Variants in TRMT6 observed in about 807,000 individuals in gnomAD.
The protein encoded by TRMT6 is tRNA methyltransferase 6 non-catalytic subunit.
In TRMT6, 34 loss-of-function variants were observed where a neutral mutation model predicts 59.0. That is an observed-to-expected ratio of 0.58 (90% CI 0.44 to 0.77). The LOEUF is 0.77. Ranked by LOEUF, TRMT6 falls within the 30% of genes least tolerant of loss-of-function variation. The pLI, the probability that TRMT6 is intolerant of heterozygous loss-of-function variation, is 0.00. For missense variants in TRMT6, 575 were observed against 604.5 expected (o/e 0.95, Z 0.51); for synonymous variants, 217 against 210.5 (o/e 1.03, Z -0.27).
At chr20:5,939,177 G>C (rs2088634901) in intron 10 of TRMT6, among the ~76,000 whole-genome samples, 1 of 152,046 alleles carries the variant, frequency 6.6e-6, no homozygotes, top group Admixed American at 6.5e-5. Flanking sequence ...TGGTTTAATT[G>C]ATTTTCTTTT....
At position 5,944,256 on chromosome 20, in the gene TRMT6, A is replaced by T. The variant is rs551708414; in HGVS notation, c.367-3T>A. The T allele has an allele frequency of 3.3e-6, 5 of 1,520,156 alleles. No individual in the cohort carries two copies. The highest frequency in any genetic ancestry group is 4.4e-6 in the Non-Finnish European group (5 of 1,123,684). The allele number at this position is 1,520,156 out of a possible 1,614,324, so 94.2% of individuals were successfully genotyped here. A position where few individuals can be genotyped will look rare whatever the true frequency, so the allele number is the denominator to read the frequency against. Reference sequence around the variant, plus strand: ...TCAATTAACTGCTGAACTATTTCCTATAAGAAAAGGAGCAAGTAGATTTTC... The same window carrying T: ...TCAATTAACTGCTGAACTATTTCCTTTAAGAAAAGGAGCAAGTAGATTTTC... On this transcript the variant is annotated splice_region_variant and splice_polypyrimidine_tract_variant and intron_variant, in intron 3 of 10. Coordinates refer to ENST00000203001, the MANE Select transcript of TRMT6 (RefSeq NM_015939.5).
At position 5,946,338 on chromosome 20, in the gene TRMT6, G is replaced by C. The variant is rs1195513944; in HGVS notation, c.256+68C>G. 69 of 1,597,980 alleles carry C rather than the reference G, an allele frequency of 4.3e-5. 3 individuals are homozygous for C. The South Asian group carries it at 7.4e-4, about 17-fold the overall frequency. The stretch of plus-strand genomic sequence containing the variant: ...AGCATGGCCTAGCACTTGGGAATTA[G>C]GTGGAGGCTGAGATGTTTCTGACTA... On this transcript the variant is annotated intron_variant, in intron 2 of 10. Coordinates refer to ENST00000203001, the MANE Select transcript of TRMT6 (RefSeq NM_015939.5).
At chr20:5,948,209 G>A (rs1035711391) in intron 1 of TRMT6, among the ~76,000 whole-genome samples, 2 of 152,182 alleles carry the variant, frequency 1.3e-5, no homozygotes, top group African/African-American at 4.8e-5. Flanking sequence ...ATATGCAGAG[G>A]GGATGATGCG....
Position 5,946,540 on chromosome 20 carries a change from A to G in TRMT6, c.129-7T>C, listed in dbSNP as rs201889389. On this transcript the variant is annotated splice_region_variant and splice_polypyrimidine_tract_variant and intron_variant, in intron 1 of 10. Coordinates refer to ENST00000203001, the MANE Select transcript of TRMT6 (RefSeq NM_015939.5). ...TTTTTCGAAAGTTACTTTTCTAGGG[A>G]AAAAAAGTAATCAATTAACTGAATA... 3.9e-5 allele frequency: 63 copies of G among 1,611,180 alleles called. No individual in the cohort carries two copies. The highest frequency in any genetic ancestry group is 3.0e-4 in the South Asian group (27 of 90,928).
chr20:5,946,188 G>A (rs2088704705), intron 2 of TRMT6, among the ~76,000 whole-genome samples: 2 of 152,226 alleles, frequency 1.3e-5, no homozygotes, highest in Admixed American at 1.3e-4. Flanking sequence ...CCTGGCCCAA[G>A]AACAGAGAAC....
At chr20:5,944,756 C>T in intron 3 of TRMT6, 49 bp downstream of exon 3, 3 of 1,475,668 alleles carry the variant, frequency 2.0e-6, no homozygotes, top group African/African-American at 2.8e-5. Flanking sequence ...CAACAGTTTC[C>T]TAAATGCCAA....
Position 5,938,610 on chromosome 20 carries a change from A to G in TRMT6, c.1419T>C (p.Asn473=), listed in dbSNP as rs1339141871. The G allele has an allele frequency of 1.2e-6, 2 of 1,614,244 alleles. No individual in the cohort carries two copies. The change falls in exon 11 of 11, where the codon AAT becomes AAC. Residue 473 remains asparagine, a synonymous_variant. Coordinates refer to ENST00000203001, the MANE Select transcript of TRMT6 (RefSeq NM_015939.5). ...TCTCGTGTGATTCTAAAGTGCTTGC[A>G]TTAGATTTGAGGCTGGTGTCTGCTT... is the stretch of plus-strand genomic sequence containing the variant. ...NLKADTSLKS[N]ASTLESHETE... is the part of the protein sequence containing the mutation.
At chr20:5,945,040 C>T (rs2088693461) in intron 2 of TRMT6, 126 bp from the exon 3 acceptor site, 3 of 681,712 alleles carry the variant, frequency 4.4e-6, no homozygotes, top group Non-Finnish European at 7.6e-6. Context: ...GCACTGCCCC[C>T]ATCACACTAT....
chr20:5,950,423 C>G lies in TRMT6; in HGVS notation c.-18G>C, dbSNP rs1348094534. 8 of 1,554,310 alleles carry G rather than the reference C, an allele frequency of 5.1e-6. No individual in the cohort carries two copies. Among genetic ancestry groups the G allele is most frequent in the Non-Finnish European group, 6.9e-6 (8 of 1,154,160 alleles). On this transcript the variant is annotated 5_prime_UTR_variant, in exon 1 of 11. Transcript: ENST00000203001. Reference sequence around the variant, plus strand: ...CCCTCCATGACGCTCAGCCGGTCGCCGTGCTCCACGGCGTCCCGCCCCTCC... The same window carrying G: ...CCCTCCATGACGCTCAGCCGGTCGCGGTGCTCCACGGCGTCCCGCCCCTCC...
rs888740932 is a variant in TRMT6, at chr20:5,941,857, G to C, written c.1112+94C>G. On this transcript the variant is annotated intron_variant, in intron 8 of 10. Transcript: ENST00000203001. ...AAAATCCTCATCTCGGGTCCCACTAGAGTCAAAGCAGACAAGGAGAAAGAG... is the reference window on the plus strand; with the variant it reads ...AAAATCCTCATCTCGGGTCCCACTACAGTCAAAGCAGACAAGGAGAAAGAG... 5.5e-6 allele frequency: 6 copies of C among 1,097,112 alleles called. No individual in the cohort carries two copies. The Admixed American group carries it at 1.0e-4, about 19-fold the overall frequency. The allele number at this position is 1,097,112 out of a possible 1,614,324, so 68.0% of individuals were successfully genotyped here.
Position 5,942,554 on chromosome 20 carries a change from T to C in TRMT6, c.900A>G (p.Gln300=). Residue 300 remains glutamine (Q), a synonymous_variant, in exon 7 of 11, where the codon CAA becomes CAG. Coordinates refer to ENST00000203001, the MANE Select transcript of TRMT6 (RefSeq NM_015939.5). ...GTLEEKQASE[Q]ENEDSMAEAP... ...CCTCTGCCATGCTGTCTTCATTCTC[T>C]TGTTCAGAAGCCTGTTTTTCCTCCA... 1 of 1,614,194 alleles carries C rather than the reference T, an allele frequency of 6.2e-7. No homozygotes were observed. Among genetic ancestry groups the C allele is most frequent in the African/African-American group, 1.3e-5 (1 of 75,042 alleles).
chr20:5,944,053 C>G, intron 4 of TRMT6, 22 bp from the exon 5 acceptor site: 1 of 1,529,572 alleles, frequency 6.5e-7, no homozygotes, highest in Non-Finnish European at 8.8e-7. Context: ...AAAAACAGAA[C>G]GCTGATTTAA....
At chr20:5,941,426 A>ATTTTATT in intron 8 of TRMT6, 81 bp from the exon 9 acceptor site, 1 of 994,520 alleles carries the variant, frequency 1.0e-6, no homozygotes, top group East Asian at 2.4e-5. Flanking sequence ...TAAAATGATC[A>ATTTTATT]TGTATTTAAT....
chr20:5,938,531 A>T lies in TRMT6; in HGVS notation c.*4T>A, dbSNP rs774929964. 1.2e-6 allele frequency: 2 copies of T among 1,604,228 alleles called. No homozygotes were observed. On this transcript the variant is annotated 3_prime_UTR_variant, in exon 11 of 11. Coordinates refer to ENST00000203001, the MANE Select transcript of TRMT6 (RefSeq NM_015939.5). ...AACAAAATTCAGAGCAATTCTCAAA[A>T]GGGTTAAGAGTCAGACTCTGGGCAT... is the stretch of plus-strand genomic sequence containing the variant.
At chr20:5,939,243 G>A (rs2088635371) in intron 10 of TRMT6, among the ~76,000 whole-genome samples, 2 of 152,206 alleles carry the variant, frequency 1.3e-5, no homozygotes, top group African/African-American at 4.8e-5. Flanking sequence ...AGCACTTTGG[G>A]ATGCTGAGGC....
chr20:5,950,358 TC>T lies in TRMT6; in HGVS notation c.47del (p.Gly16GlufsTer13), dbSNP rs1568562554. On this transcript the variant is annotated frameshift_variant, in exon 1 of 11. Coordinates refer to ENST00000203001, the MANE Select transcript of TRMT6 (RefSeq NM_015939.5). LOFTEE classifies it high-confidence loss of function. Reference sequence around the variant, plus strand: ...AGTCGCCGTCGCGGATGCGGTGGTCTCCGGGATGCTGTGGTTGTGGGCCCGG... The same window carrying T: ...AGTCGCCGTCGCGGATGCGGTGGTCTCGGGATGCTGTGGTTGTGGGCCCGG... ...EQPGPQPQHPGDHRIRDGDFV... is the reference protein window; with the variant it reads ...EQPGPQPQHPXDHRIRDGDFV... 6.2e-7 allele frequency: 1 copy of T among 1,611,268 alleles called. No individual in the cohort carries two copies.
At chr20:5,943,798 G>A in intron 5 of TRMT6, 115 bp from the exon 6 acceptor site, 1 of 1,529,804 alleles carries the variant, frequency 6.5e-7, no homozygotes, top group Non-Finnish European at 8.8e-7. Context: ...ATTATTGATT[G>A]CTTTGGAGGT....
intron 2 of TRMT6, 99 bp downstream of exon 2, chr20:5,946,307 T>C: frequency 7.0e-7 from 1 of 1,433,840 alleles, no homozygotes; most frequent in Non-Finnish European, 9.7e-7. Context: ...AGATTTCTTT[T>C]GGGATAGCAT....
At chr20:5,948,761 CTAAAAGAAACATACCCCTCA>C (rs1292988342) in intron 1 of TRMT6, among the ~76,000 whole-genome samples, 2 of 152,100 alleles carry the variant, frequency 1.3e-5, no homozygotes, top group Non-Finnish European at 2.9e-5. Flanking sequence ...CATTTCCGGA[CTAAAAGAAACATACCCCTCA>C]TAAAAGAAAC....
Sources: allele counts gnomAD v4.1 joint callset (sites outside exome capture counted in the v4.1 genomes callset), GRCh38; gene constraint gnomAD v4.1.1; transcripts MANE v1.5; gene names NCBI Gene and HGNC (gene_info 2026-07-23, HGNC 2026-07-21).